CAMTA1: variants seen among roughly 807,000 people sequenced by gnomAD.
CAMTA1 encodes calmodulin-binding transcription activator 1.
CAMTA1 carries 27 observed loss-of-function variants against 170.9 expected under a neutral mutation model. That is an observed-to-expected ratio of 0.16 (90% CI 0.12 to 0.22). The LOEUF is 0.22. CAMTA1 is among the 10% of genes least tolerant of loss of function. CAMTA1 has a pLI of 1.00. For missense variants in CAMTA1, 1,619 were observed against 2,217.2 expected, an observed-to-expected ratio of 0.73 and a Z score of 5.42; for synonymous variants, 833 against 891.5, an observed-to-expected ratio of 0.93 and a Z score of 1.17.
chr1:7,615,159 C>T (rs1228572563), intron 6 of CAMTA1, among the ~76,000 whole-genome samples: 1 of 152,232 alleles, frequency 6.6e-6, no homozygotes, highest in Non-Finnish European at 1.5e-5. Flanking sequence ...TGACTTCCAT[C>T]TTAAAGGGCA....
At chr1:6,903,225 A>T (rs1019025560) in intron 3 of CAMTA1, among the ~76,000 whole-genome samples, 1 of 152,232 alleles carries the variant, frequency 6.6e-6, no homozygotes, top group Admixed American at 6.5e-5. Flanking sequence ...ATGGTGATCA[A>T]AAGTGTTTTC....
At chr1:7,559,518 C>T (rs571330284) in intron 6 of CAMTA1, among the ~76,000 whole-genome samples, 10 of 152,188 alleles carry the variant, frequency 6.6e-5, no homozygotes, top group Non-Finnish European at 1.2e-4. Flanking sequence ...CAGAGGGAAG[C>T]GGGGAGCCTG....
At chr1:6,899,107 A>G (rs1222977403) in intron 3 of CAMTA1, among the ~76,000 whole-genome samples, 1 of 152,108 alleles carries the variant, frequency 6.6e-6, no homozygotes, top group African/African-American at 2.4e-5. Context: ...GCCCTGCACC[A>G]TCATGGAAGC....
chr1:7,520,394 C>A (rs2478268), intron 6 of CAMTA1, among the ~76,000 whole-genome samples: 78,075 of 146,918 alleles, frequency 0.53, 21,699 homozygotes, highest in Non-Finnish European at 0.61. Context: ...CGCTGGGTTA[C>A]GGCCCCTCTC....
In CAMTA1 at chr1:7,259,629, G is replaced by C. The variant is rs563903448; in HGVS notation, c.438+10003G>C. 4.6e-5 allele frequency among the ~76,000 whole-genome samples: 7 copies of C among 152,368 alleles called. No individual in the cohort carries two copies. In the South Asian group the frequency reaches 1.0e-3, roughly 23 times the overall value. On this transcript the variant is annotated intron_variant, in intron 5 of 22. Coordinates refer to ENST00000303635, the MANE Select transcript of CAMTA1 (RefSeq NM_015215.4). ...TATTTTACCTTGTCTTAAGAGAAAA[G>C]TCCAAGGGAAAATTTCACAAGTTGC...
At chr1:7,598,024 T>C (rs1035867497) in intron 6 of CAMTA1, among the ~76,000 whole-genome samples, 4 of 151,868 alleles carry the variant, frequency 2.6e-5, no homozygotes, top group Non-Finnish European at 4.4e-5. Flanking sequence ...CATGTTGGTG[T>C]GCTGCACCCA....
At chr1:7,094,012 T>C (rs1641780854) in intron 4 of CAMTA1, among the ~76,000 whole-genome samples, 1 of 152,204 alleles carries the variant, frequency 6.6e-6, no homozygotes, top group Non-Finnish European at 1.5e-5. Context: ...CTGTGCCTCT[T>C]ATCTGTGGGG....
chr1:7,207,694 T>G (rs1462141965), intron 4 of CAMTA1, among the ~76,000 whole-genome samples: 2 of 152,286 alleles, frequency 1.3e-5, no homozygotes, highest in East Asian at 3.9e-4. Context: ...TTATTTCTTA[T>G]GACCAAACCA....
intron 3 of CAMTA1, among the ~76,000 whole-genome samples, chr1:7,019,076 T>C (rs1700992507): frequency 6.6e-6 from 1 of 152,198 alleles, no homozygotes; most frequent in South Asian, 2.1e-4. Context: ...GGTGCTACCA[T>C]GACAAGGTGG....
chr1:6,917,336 G>A (rs551570234), intron 3 of CAMTA1, among the ~76,000 whole-genome samples: 15 of 152,242 alleles, frequency 9.9e-5, no homozygotes, highest in African/African-American at 2.4e-4. Context: ...ATGAAGTGCC[G>A]TGGAGGGCCT....
chr1:7,554,809 C>T (rs1021063740), intron 6 of CAMTA1, among the ~76,000 whole-genome samples: 7 of 139,530 alleles, frequency 5.0e-5, no homozygotes, highest in African/African-American at 2.0e-4. Flanking sequence ...CTTGCTTCAT[C>T]CCCCCCAACC....
chr1:7,039,978 G>A (rs945505032), intron 3 of CAMTA1, among the ~76,000 whole-genome samples: 2 of 151,872 alleles, frequency 1.3e-5, no homozygotes, highest in African/African-American at 4.8e-5. Context: ...AGGAATTCAG[G>A]AACTTTTAGA....
intron 11 of CAMTA1, among the ~76,000 whole-genome samples, chr1:7,692,796 CT>C (rs1167302932): frequency 3.3e-5 from 5 of 152,224 alleles, no homozygotes; most frequent in Admixed American, 6.5e-5. Flanking sequence ...GTCCACCCAC[CT>C]GTCATTCAGC....
In CAMTA1 at chr1:7,013,209, C is replaced by CTTTTTTTTTTTTTTT; in HGVS notation, c.235-78086_235-78072dup. ...TCCAGGCCCTGCCTTTGCCCTTCTT[C>CTTTTTTTTTTTTTTT]TTTTTTTTTTTTTTTTTTTTTTTGA... is the stretch of plus-strand genomic sequence containing the variant. On this transcript the variant is annotated intron_variant, in intron 3 of 22. Transcript: ENST00000303635. Among the ~76,000 whole-genome samples, 241 of 84,188 alleles carry CTTTTTTTTTTTTTTT rather than the reference C, an allele frequency of 2.9e-3. 20 individuals are homozygous for CTTTTTTTTTTTTTTT. Among genetic ancestry groups the CTTTTTTTTTTTTTTT allele is most frequent in the Non-Finnish European group, 3.4e-3 (157 of 46,752 alleles). The allele number at this position is 84,188 out of a possible 152,430, so 55.2% of individuals were successfully genotyped here.
At chr1:6,951,429 T>TG (rs1688463725) in intron 3 of CAMTA1, among the ~76,000 whole-genome samples, 1 of 152,154 alleles carries the variant, frequency 6.6e-6, no homozygotes, top group African/African-American at 2.4e-5. Context: ...AGTGGGATAA[T>TG]GGATGGAAAG....
intron 3 of CAMTA1, among the ~76,000 whole-genome samples, chr1:6,829,112 A>C (rs1400804669): frequency 6.6e-6 from 1 of 152,100 alleles, no homozygotes; most frequent in Non-Finnish European, 1.5e-5. Context: ...CCTGTTGGCC[A>C]GGCTGGTCTC....
Position 6,855,191 on chromosome 1 carries a change from A to G in CAMTA1, c.234+29981A>G, listed in dbSNP as rs149944821. ...GACACAATTGCAATTTTATATGCCA[A>G]CAACAAACACAAATTCCAAATTTGT... On this transcript the variant is annotated intron_variant, in intron 3 of 22. Coordinates refer to ENST00000303635, the MANE Select transcript of CAMTA1 (RefSeq NM_015215.4). Among the ~76,000 whole-genome samples, 1,154 of 152,322 alleles carry G rather than the reference A, an allele frequency of 7.6e-3. 19 individuals are homozygous for G. Among genetic ancestry groups the G allele is most frequent in the African/African-American group, 0.026 (1,070 of 41,576 alleles).
intron 5 of CAMTA1, among the ~76,000 whole-genome samples, chr1:7,255,679 A>G (rs909734346): frequency 9.9e-5 from 15 of 152,182 alleles, no homozygotes; most frequent in African/African-American, 3.1e-4. Flanking sequence ...CCTGCTAGAA[A>G]TCCTGTATCT....
chr1:7,137,928 C>A (rs891446486), intron 4 of CAMTA1, among the ~76,000 whole-genome samples: 1 of 152,214 alleles, frequency 6.6e-6, no homozygotes, highest in African/African-American at 2.4e-5. Flanking sequence ...CACTGCCATG[C>A]TCCCTGGAGC....
Sources: gnomAD v4.1 joint callset for allele counts (sites outside exome capture counted in the v4.1 genomes callset) on GRCh38, gnomAD v4.1.1 for gene constraint, MANE v1.5 for transcripts, NCBI Gene and HGNC (gene_info 2026-07-23, HGNC 2026-07-21) for gene names.